The following OSBPL5 variants were observed in gnomAD, a reference collection of about 807,000 sequenced individuals.
OSBPL5 encodes the protein oxysterol-binding protein-related protein 5.
Under a neutral mutation model 111.2 loss-of-function variants are expected in OSBPL5, and 71 were observed. That is an observed-to-expected ratio of 0.64 (90% CI 0.53 to 0.78). The LOEUF is 0.78. Ranked by LOEUF, OSBPL5 falls within the 30% of genes least tolerant of loss-of-function variation. The pLI is 0.00. For missense variants in OSBPL5, 1,210 were observed against 1,189.3 expected (o/e 1.02, Z -0.26); for synonymous variants, 549 against 513.9 (o/e 1.07, Z -0.93).
intron 14 of OSBPL5, among the ~76,000 whole-genome samples, chr11:3,097,073 G>GGGAGAAGGAGAGGAAA (rs1564824790): frequency 8.0e-5 from 1 of 12,576 alleles, no homozygotes; most frequent in Non-Finnish European, 2.1e-4. Context: ...GGGGGAAGAT[G>GGGAGAAGGAGAGGAAA]GAAGGAGGAG....
Position 3,121,025 on chromosome 11 carries a change from G to A in OSBPL5, c.403-401C>T, listed in dbSNP as rs1381262453. ...AGGGCCTCAGGGAGGAACCAGCAATGAGTGGTGTGACTTGTAACTGGCAGC... is the reference window on the plus strand; with the variant it reads ...AGGGCCTCAGGGAGGAACCAGCAATAAGTGGTGTGACTTGTAACTGGCAGC... On this transcript the variant is annotated intron_variant, in intron 5 of 21. Transcript: ENST00000263650. This position sits in a 1 kb window ranked among gnomAD's most constrained non-coding sequence, Gnocchi z 4.3. Among the ~76,000 whole-genome samples, 1 of 151,956 alleles carries A rather than the reference G, an allele frequency of 6.6e-6. No individual in the cohort carries two copies. Among genetic ancestry groups the A allele is most frequent in the Non-Finnish European group, 1.5e-5 (1 of 67,984 alleles).
intron 21 of OSBPL5, among the ~76,000 whole-genome samples, chr11:3,089,271 G>C (rs994753620): frequency 1.3e-5 from 2 of 152,222 alleles, no homozygotes; most frequent in Non-Finnish European, 2.9e-5. Context: ...GCTGAGGTGT[G>C]ACAGCCAAGG....
intron 7 of OSBPL5, among the ~76,000 whole-genome samples, chr11:3,116,327 C>T (rs956978801): frequency 1.3e-5 from 2 of 152,144 alleles, no homozygotes; most frequent in South Asian, 2.1e-4. Flanking sequence ...AGTATGGCTG[C>T]CCTAAAACTT....
In OSBPL5 at chr11:3,088,283, G is replaced by A; in HGVS notation, c.2562C>T (p.Leu854=). Residue 854 remains leucine, a synonymous_variant, in exon 22 of 22, where the codon CTC becomes CTT. Coordinates refer to ENST00000263650, the MANE Select transcript of OSBPL5 (RefSeq NM_020896.4). The stretch of plus-strand genomic sequence containing the variant: ...GGAACCAGGATCGGGGGCTCTGCAG[G>A]AGGCCTGGGGTCGGTGCCTGTGCTG... ...ARAAQAPTPG[L]LQSPRSWFLL... 6.2e-7 allele frequency: 1 copy of A among 1,608,272 alleles called. No homozygotes were observed. Among genetic ancestry groups the A allele is most frequent in the Non-Finnish European group, 8.5e-7 (1 of 1,177,642 alleles).
At chr11:3,095,391 T>C (rs1857222937) in intron 14 of OSBPL5, among the ~76,000 whole-genome samples, 1 of 152,034 alleles carries the variant, frequency 6.6e-6, no homozygotes, top group African/African-American at 2.4e-5. Context: ...TAAATATTAT[T>C]TCCTAGTGAA....
rs1460227480 is a variant in OSBPL5 at position 3,106,427 on chromosome 11, A to G, written c.1059+836T>C. On this transcript the variant is annotated intron_variant, in intron 9 of 21. Transcript: ENST00000263650. This position sits in a 1 kb window ranked among gnomAD's most constrained non-coding sequence, Gnocchi z 8.4. ...CACCCCAGAGCGCAGCCCCCACCCC[A>G]GAGCCCGGCTTCCTCAGCCTGCACC... 3.8e-5 allele frequency among the ~76,000 whole-genome samples: 5 copies of G among 132,304 alleles called. No homozygotes were observed. In the East Asian group the frequency reaches 1.2e-3, roughly 32 times the overall value. The allele number at this position is 132,304 out of a possible 152,430, so 86.8% of individuals were successfully genotyped here. A position where few individuals can be genotyped will look rare whatever the true frequency, so the allele number is the denominator to read the frequency against.
Position 3,104,714 on chromosome 11 carries a change from C to A in OSBPL5, c.1060-337G>T, listed in dbSNP as rs1234184499. Among the ~76,000 whole-genome samples, 1 of 152,202 alleles carries A rather than the reference C, an allele frequency of 6.6e-6. No homozygotes were observed. Among genetic ancestry groups the A allele is most frequent in the Non-Finnish European group, 1.5e-5 (1 of 68,020 alleles). ...TGAAACCTGTCTGTGCATCGTGGGACCCTGGGCCCAGGGAACAGAGAGACT... is the reference window on the plus strand; with the variant it reads ...TGAAACCTGTCTGTGCATCGTGGGAACCTGGGCCCAGGGAACAGAGAGACT... On this transcript the variant is annotated intron_variant, in intron 9 of 21. Coordinates refer to ENST00000263650, the MANE Select transcript of OSBPL5 (RefSeq NM_020896.4). The surrounding 1 kb of genome is among the most constrained non-coding windows in gnomAD (Gnocchi z 5.0).
In OSBPL5 at chr11:3,092,903, T is replaced by C. The variant is rs1857113208; in HGVS notation, c.2096A>G (p.Asp699Gly). The change falls in exon 18 of 22, where the codon GAC becomes GGC. Residue 699 changes from aspartate to glycine, a missense_variant. By Grantham distance (94) the Asp-to-Gly change is moderately conservative. Transcript: ENST00000263650. The surrounding 1 kb of genome is among the most constrained non-coding windows in gnomAD (Gnocchi z 5.4). ...MPWKPQLFHL[D>G]PITQEWHYRY... is the part of the protein sequence containing the mutation. ...GTAGTGCCACTCCTGGGTGATGGGG[T>C]CCAGGTGGAACAGCTGCGGCTTCCA... 6.4e-7 allele frequency: 1 copy of C among 1,561,514 alleles called. No individual in the cohort carries two copies. Among genetic ancestry groups the C allele is most frequent in the Non-Finnish European group, 8.7e-7 (1 of 1,152,538 alleles).
intron 7 of OSBPL5, 86 bp from the exon 8 acceptor site, chr11:3,108,031 A>AC: frequency 6.7e-7 from 1 of 1,485,500 alleles, no homozygotes; most frequent in Non-Finnish European, 8.9e-7. Context: ...GCTCCCCCTC[A>AC]CTCTGACTCT....
chr11:3,090,200 C>T (rs1280903486), intron 20 of OSBPL5, among the ~76,000 whole-genome samples: 3 of 152,222 alleles, frequency 2.0e-5, no homozygotes, highest in African/African-American at 7.2e-5. Context: ...AGGCAAGGCC[C>T]ATCCATTACA....
chr11:3,140,272 T>C lies in OSBPL5; in HGVS notation c.-21-11103A>G, dbSNP rs1846067626. Among the ~76,000 whole-genome samples the C allele has an allele frequency of 6.6e-6, 1 of 152,180 alleles. No homozygotes were observed. Among genetic ancestry groups the C allele is most frequent in the African/African-American group, 2.4e-5 (1 of 41,434 alleles). On this transcript the variant is annotated intron_variant, in intron 1 of 21. Coordinates refer to ENST00000263650, the MANE Select transcript of OSBPL5 (RefSeq NM_020896.4). The surrounding 1 kb of genome is among the most constrained non-coding windows in gnomAD (Gnocchi z 4.5). ...CTCTGGAAGGGGCAGCCCACAGCAATGCTCTCTGTGAAGGGCCAGCATGGT... is the reference window on the plus strand; with the variant it reads ...CTCTGGAAGGGGCAGCCCACAGCAACGCTCTCTGTGAAGGGCCAGCATGGT...
At chr11:3,147,917 G>C (rs1846416056) in intron 1 of OSBPL5, among the ~76,000 whole-genome samples, 1 of 152,070 alleles carries the variant, frequency 6.6e-6, no homozygotes, top group Admixed American at 6.5e-5. Flanking sequence ...CGCCCACCAT[G>C]GCCCTGGCCT....
chr11:3,139,300 G>C (rs1327799453), intron 1 of OSBPL5, among the ~76,000 whole-genome samples: 1 of 152,188 alleles, frequency 6.6e-6, no homozygotes, highest in Non-Finnish European at 1.5e-5. Context: ...GTGGCCCCGG[G>C]GCTGGGGCCG....
At chr11:3,157,282 A>G (rs1265026149) in intron 1 of OSBPL5, among the ~76,000 whole-genome samples, 1 of 152,222 alleles carries the variant, frequency 6.6e-6, no homozygotes, top group East Asian at 1.9e-4. Context: ...CCGGCAGCAG[A>G]GAGACCCTGA....
chr11:3,129,676 C>T (rs1858758696), intron 1 of OSBPL5, among the ~76,000 whole-genome samples: 1 of 152,200 alleles, frequency 6.6e-6, no homozygotes, highest in African/African-American at 2.4e-5. Context: ...CCTGGCCTGC[C>T]ATCCATCTAA....
rs1014289375 is a variant in OSBPL5, at chr11:3,142,608, G to A, written c.-21-13439C>T. Among the ~76,000 whole-genome samples the A allele has an allele frequency of 5.9e-5, 9 of 152,336 alleles. No individual in the cohort carries two copies. Among genetic ancestry groups the A allele is most frequent in the Middle Eastern group, 3.4e-3 (1 of 294 alleles). On this transcript the variant is annotated intron_variant, in intron 1 of 21. Transcript: ENST00000263650. The surrounding 1 kb of genome is among the most constrained non-coding windows in gnomAD (Gnocchi z 7.1). Reference sequence around the variant, plus strand: ...CTACAGGTCTGAGAGTCACCGTCTCGCGGGTGGAGAGCCTGGGTGGTGCGT... The same window carrying A: ...CTACAGGTCTGAGAGTCACCGTCTCACGGGTGGAGAGCCTGGGTGGTGCGT...
At chr11:3,102,376 G>A in intron 11 of OSBPL5, 95 bp from the exon 12 acceptor site, 5 of 1,158,856 alleles carry the variant, frequency 4.3e-6, no homozygotes, top group Non-Finnish European at 6.3e-6. Flanking sequence ...CAGCGTGGGT[G>A]GGCTACCCGC....
chr11:3,144,838 G>A (rs1530584), intron 1 of OSBPL5, among the ~76,000 whole-genome samples: 66,459 of 152,112 alleles, frequency 0.44, 15,538 homozygotes, highest in African/African-American at 0.62. Flanking sequence ...CAGGACCTGC[G>A]AGAGCCACCC....
chr11:3,089,039 G>C (rs1419717090), intron 21 of OSBPL5, among the ~76,000 whole-genome samples: 3 of 152,220 alleles, frequency 2.0e-5, no homozygotes, highest in Admixed American at 1.3e-4. Context: ...AGAAGCTTCT[G>C]GCTGAGTCCT....
Sources: gnomAD v4.1 joint callset for allele counts (sites outside exome capture counted in the v4.1 genomes callset) on GRCh38, gnomAD v4.1.1 for gene constraint, Gnocchi (gnomAD v3.1) non-coding constraint, MANE v1.5 for transcripts, NCBI Gene and HGNC (gene_info 2026-07-23, HGNC 2026-07-21) for gene names.